Variants in SLC39A11 observed in about 807,000 individuals in gnomAD.
SLC39A11 encodes the protein zinc transporter ZIP11.
SLC39A11 carries 33 observed loss-of-function variants against 36.1 expected under a neutral mutation model. That is an observed-to-expected ratio of 0.91 (90% CI 0.69 to 1.22). The LOEUF (loss-of-function observed/expected upper bound fraction) is 1.22, where lower values mean the gene tolerates loss of function less well. Ranked by LOEUF, SLC39A11 falls within the 50% of genes most tolerant of loss-of-function variation. SLC39A11 has a pLI of 0.00. For missense variants in SLC39A11, 432 were observed against 430.3 expected (o/e 1.00, Z -0.03); for synonymous variants, 166 against 170.3 (o/e 0.97, Z 0.20).
intron 6 of SLC39A11, among the ~76,000 whole-genome samples, chr17:72,744,330 G>A (rs1156454734): frequency 6.6e-6 from 1 of 152,094 alleles, no homozygotes; most frequent in African/African-American, 2.4e-5. Flanking sequence ...CTACTCACTA[G>A]ATGCCAGTAG....
intron 3 of SLC39A11, among the ~76,000 whole-genome samples, chr17:73,037,225 C>T (rs769515821): frequency 6.6e-6 from 1 of 152,144 alleles, no homozygotes. Flanking sequence ...GGAAGTTTTC[C>T]ATTCATTTCG....
chr17:73,006,235 T>C (rs908341662), intron 4 of SLC39A11, among the ~76,000 whole-genome samples: 2 of 152,178 alleles, frequency 1.3e-5, no homozygotes, highest in Non-Finnish European at 2.9e-5. Flanking sequence ...CTTTATAAAA[T>C]GAGCATACAT....
chr17:73,042,580 C>T (rs913225274), intron 3 of SLC39A11, among the ~76,000 whole-genome samples: 2 of 152,202 alleles, frequency 1.3e-5, no homozygotes, highest in African/African-American at 4.8e-5. Flanking sequence ...GCAGGCAGAT[C>T]GCCTGAGGTC....
intron 4 of SLC39A11, among the ~76,000 whole-genome samples, chr17:72,991,177 A>G (rs373917158): frequency 6.6e-6 from 1 of 152,338 alleles, no homozygotes; most frequent in East Asian, 1.9e-4. Context: ...GAGGTACTCA[A>G]TATCTGAAAA....
At chr17:72,697,906 T>C (rs2072390122) in intron 7 of SLC39A11, among the ~76,000 whole-genome samples, 1 of 152,150 alleles carries the variant, frequency 6.6e-6, no homozygotes, top group Non-Finnish European at 1.5e-5. Context: ...ATTTATGAAG[T>C]AGACAGGAGC....
At chr17:72,710,030 C>T (rs910106987) in intron 7 of SLC39A11, among the ~76,000 whole-genome samples, 2 of 152,200 alleles carry the variant, frequency 1.3e-5, no homozygotes, top group African/African-American at 4.8e-5. Context: ...CTTTGAGGAA[C>T]ATGCAGAAGT....
chr17:73,058,959 A>T (rs908344646), intron 3 of SLC39A11, among the ~76,000 whole-genome samples: 11 of 140,686 alleles, frequency 7.8e-5, no homozygotes, highest in Middle Eastern at 3.6e-3. Flanking sequence ...AATAACTGTT[A>T]AAAAAAAAAG....
intron 5 of SLC39A11, among the ~76,000 whole-genome samples, chr17:72,943,639 A>T (rs912712703): frequency 6.6e-6 from 1 of 152,210 alleles, no homozygotes; most frequent in African/African-American, 2.4e-5. Flanking sequence ...ACAACTGAAT[A>T]ATCTCCTAAA....
Position 72,923,228 on chromosome 17 carries a change from G to GC in SLC39A11, c.430+24523dup, listed in dbSNP as rs546750378. On this transcript the variant is annotated intron_variant, in intron 5 of 9. Transcript: ENST00000255559. ...ACTGTGTGGGGCTATGGACCACCCT[G>GC]CCCCATGGTCAGGGTTGGACATGTG... Among the ~76,000 whole-genome samples, 67 of 152,182 alleles carry GC rather than the reference G, an allele frequency of 4.4e-4. No homozygotes were observed. In the East Asian group the frequency reaches 0.011, roughly 26 times the overall value.
chr17:72,656,388 C>G (rs896216008), intron 7 of SLC39A11, among the ~76,000 whole-genome samples: 2 of 152,262 alleles, frequency 1.3e-5, no homozygotes, highest in Middle Eastern at 6.8e-3. Context: ...CGTGACAAGC[C>G]AAGTCCCATG....
At chr17:72,659,857 T>A (rs931976639) in intron 7 of SLC39A11, among the ~76,000 whole-genome samples, 1 of 152,098 alleles carries the variant, frequency 6.6e-6, no homozygotes, top group Non-Finnish European at 1.5e-5. Flanking sequence ...CGCCTCAGGC[T>A]CCCAAAGTGT....
At chr17:72,770,899 G>A (rs925132935) in intron 6 of SLC39A11, among the ~76,000 whole-genome samples, 5 of 152,282 alleles carry the variant, frequency 3.3e-5, no homozygotes, top group Admixed American at 1.3e-4. Context: ...TTGCACTTCT[G>A]AGGCAGGCAG....
intron 6 of SLC39A11, among the ~76,000 whole-genome samples, chr17:72,778,422 C>G (rs1598693561): frequency 6.6e-6 from 1 of 152,226 alleles, no homozygotes; most frequent in South Asian, 2.1e-4. Context: ...ATTCGTGTGG[C>G]TTTTTCCTAC....
intron 5 of SLC39A11, among the ~76,000 whole-genome samples, chr17:72,920,276 C>A (rs2083578956): frequency 6.6e-6 from 1 of 151,868 alleles, no homozygotes; most frequent in African/African-American, 2.4e-5. Context: ...GAAGCCTCAG[C>A]ACAAAAGCCA....
chr17:72,832,580 T>C (rs1022237363), intron 6 of SLC39A11, among the ~76,000 whole-genome samples: 1 of 152,196 alleles, frequency 6.6e-6, no homozygotes, highest in African/African-American at 2.4e-5. Context: ...GAGCAAGGAA[T>C]AGACCTAGAA....
At chr17:72,704,091 G>A (rs1180015467) in intron 7 of SLC39A11, among the ~76,000 whole-genome samples, 3 of 152,226 alleles carry the variant, frequency 2.0e-5, no homozygotes, top group Non-Finnish European at 4.4e-5. Context: ...TCATGCCACT[G>A]TACTCTAGCC....
chr17:72,927,807 TAC>T lies in SLC39A11; in HGVS notation c.430+19943_430+19944del, dbSNP rs369169261. Among the ~76,000 whole-genome samples, 56 of 151,118 alleles carry T rather than the reference TAC, an allele frequency of 3.7e-4. No homozygotes were observed. The Middle Eastern group carries it at 0.01, about 28-fold the overall frequency. On this transcript the variant is annotated intron_variant, in intron 5 of 9. Transcript: ENST00000255559. ...TCAGTTCTATTGAGAAGGAAATGTATACACACACACACACATACACACACACA... is the reference window on the plus strand; with the variant it reads ...TCAGTTCTATTGAGAAGGAAATGTATACACACACACACATACACACACACA...
intron 1 of SLC39A11, among the ~76,000 whole-genome samples, chr17:73,091,056 T>C (rs998017158): frequency 6.6e-6 from 1 of 152,228 alleles, no homozygotes; most frequent in Non-Finnish European, 1.5e-5. Context: ...CCAGACTTTC[T>C]GAATCAGGGT....
intron 3 of SLC39A11, among the ~76,000 whole-genome samples, chr17:73,063,120 A>G (rs1433977545): frequency 1.3e-5 from 2 of 152,222 alleles, no homozygotes; most frequent in Non-Finnish European, 2.9e-5. Context: ...AAATTATAAA[A>G]GAGTTAAAAT....
Sources: gnomAD v4.1 joint callset for allele counts (sites outside exome capture counted in the v4.1 genomes callset) on GRCh38, gnomAD v4.1.1 for gene constraint, MANE v1.5 for transcripts, NCBI Gene and HGNC (gene_info 2026-07-23, HGNC 2026-07-21) for gene names.